The following HOXD11 variants were observed in gnomAD, a reference collection of about 807,000 sequenced individuals.
HOXD11 encodes the protein homeobox protein Hox-D11.
HOXD11 carries 16 observed loss-of-function variants against 23.1 expected under a neutral mutation model. That is an observed-to-expected ratio of 0.69 (90% CI 0.47 to 1.05). HOXD11 has a LOEUF of 1.05. Ranked by LOEUF, HOXD11 falls within the 50% of genes least tolerant of loss-of-function variation. The pLI is 0.00. For synonymous variants in HOXD11, 262 were observed against 224.4 expected, an observed-to-expected ratio of 1.17 and a Z score of -1.50; for missense variants, 564 against 495.6, an observed-to-expected ratio of 1.14 and a Z score of -1.31.
downstream of HOXD11, among the ~76,000 whole-genome samples, chr2:176,113,700 GTC>G (rs1487250923): frequency 9.9e-5 from 15 of 152,142 alleles, no homozygotes; most frequent in Admixed American, 2.6e-4. Context: ...AATATTGACA[GTC>G]TCTTGTCTCA....
At chr2:176,111,169 C>A (rs1353213770), downstream of HOXD11, among the ~76,000 whole-genome samples, 1 of 152,160 alleles carries the variant, frequency 6.6e-6, no homozygotes, top group Non-Finnish European at 1.5e-5. Flanking sequence ...ACAAAGCCTA[C>A]AATCGAAAAA....
downstream of HOXD11, among the ~76,000 whole-genome samples, chr2:176,111,151 C>T (rs72923440): frequency 0.055 from 8,345 of 152,192 alleles, 263 homozygotes; most frequent in Middle Eastern, 0.085. Context: ...GTGAAAGATG[C>T]AATGGAAACA....
At chr2:176,114,876 C>T in the HOXD11 span, among the ~76,000 whole-genome samples, 1 of 152,232 alleles carries the variant, frequency 6.6e-6, no homozygotes, top group South Asian at 2.1e-4. Context: ...GATGCCCTCC[C>T]GGACTGAGAA....
the HOXD11 span, among the ~76,000 whole-genome samples, chr2:176,115,503 T>C: frequency 6.6e-6 from 1 of 152,236 alleles, no homozygotes; most frequent in African/African-American, 2.4e-5. Context: ...TTACAAAGTC[T>C]CGATTGATTT....
Position 176,107,562 on chromosome 2 carries a change from G to A in HOXD11, c.207G>A (p.Glu69=). ...TGGCCTTCCGCGACTACGGCCTGGA[G>A]CGCGCCAAGTGGCCGTACCGCGGCG... is the stretch of plus-strand genomic sequence containing the variant. ...REVAFRDYGL[E]RAKWPYRGGG... The change falls in exon 1 of 2, where the codon GAG becomes GAA. Residue 69 remains glutamate (E), a synonymous_variant. Coordinates refer to ENST00000249504, the MANE Select transcript of HOXD11 (RefSeq NM_021192.3). 1.9e-6 allele frequency: 3 copies of A among 1,590,336 alleles called. No homozygotes were observed. Among genetic ancestry groups the A allele is most frequent in the Non-Finnish European group, 1.7e-6 (2 of 1,168,984 alleles).
At position 176,107,930 on chromosome 2, in the gene HOXD11, G is replaced by T. The variant is rs909276029; in HGVS notation, c.575G>T (p.Gly192Val). The T allele has an allele frequency of 7.0e-7, 1 of 1,421,028 alleles. No individual in the cohort carries two copies. Among genetic ancestry groups the T allele is most frequent in the African/African-American group, 1.5e-5 (1 of 66,600 alleles). The allele number at this position is 1,421,028 out of a possible 1,614,324, so 88.0% of individuals were successfully genotyped here. A position where few individuals can be genotyped will look rare whatever the true frequency, so the allele number is the denominator to read the frequency against. The change falls in exon 1 of 2, where the codon GGG (glycine) becomes GTG (valine). Residue 192 changes from glycine (G) to valine (V), a missense_variant. Transcript: ENST00000249504. The part of the protein sequence containing the change: ...YEAAPGPPFA[G>V]PQPPPPPAPP... Reference sequence around the variant, plus strand: ...GCAGCGCCCGGGCCCCCGTTCGCCGGGCCGCAGCCCCCGCCGCCACCCGCG... The same window carrying T: ...GCAGCGCCCGGGCCCCCGTTCGCCGTGCCGCAGCCCCCGCCGCCACCCGCG...
downstream of HOXD11, among the ~76,000 whole-genome samples, chr2:176,112,100 G>A (rs1022619794): frequency 3.3e-5 from 5 of 152,180 alleles, no homozygotes; most frequent in Non-Finnish European, 5.9e-5. Flanking sequence ...GGACACGGGA[G>A]GCAGCAGGCA....
In HOXD11 at chr2:176,107,578, T is replaced by C. The variant is rs770349959; in HGVS notation, c.223T>C (p.Tyr75His). 7.6e-6 allele frequency: 11 copies of C among 1,452,058 alleles called. No homozygotes were observed. The African/African-American group carries it at 1.5e-4, about 19-fold the overall frequency. The allele number at this position is 1,452,058 out of a possible 1,614,324, so 89.9% of individuals were successfully genotyped here. Reference protein sequence around the residue: ...DYGLERAKWPYRGGGGGGSAG... With the variant: ...DYGLERAKWPHRGGGGGGSAG... ...CGGCCTGGAGCGCGCCAAGTGGCCG[T>C]ACCGCGGCGGCGGCGGCGGCGGCAG... The change falls in exon 1 of 2, where the codon TAC becomes CAC. Residue 75 changes from tyrosine (Y) to histidine (H), a missense_variant. Tyr to His is a moderately conservative substitution (Grantham distance 83). Coordinates refer to ENST00000249504, the MANE Select transcript of HOXD11 (RefSeq NM_021192.3).
chr2:176,111,826 C>CAAAAGAAAAAAAAAAAAA (rs1689676556), downstream of HOXD11, among the ~76,000 whole-genome samples: 1 of 22,740 alleles, frequency 4.4e-5, no homozygotes, highest in African/African-American at 1.9e-4. Flanking sequence ...CTCCCCCCCG[C>CAAAAGAAAAAAAAAAAAA]AAAAAAAAAA....
downstream of HOXD11, among the ~76,000 whole-genome samples, chr2:176,114,480 G>A (rs1689720342): frequency 1.3e-5 from 2 of 152,092 alleles, no homozygotes; most frequent in African/African-American, 4.8e-5. Flanking sequence ...CAATGATGTT[G>A]TATTTGAACA....
downstream of HOXD11, among the ~76,000 whole-genome samples, chr2:176,111,843 A>AAAAAAAAAAAAAAAAC (rs1559115548): frequency 7.4e-5 from 11 of 148,096 alleles, no homozygotes; most frequent in African/African-American, 2.8e-4. Context: ...AAAAAAAAAA[A>AAAAAAAAAAAAAAAAC]AAAAAACCTT....
chr2:176,113,620 CT>C (rs1689706153), downstream of HOXD11, among the ~76,000 whole-genome samples: 1 of 152,168 alleles, frequency 6.6e-6, no homozygotes, highest in African/African-American at 2.4e-5. Flanking sequence ...ACTTTCCATC[CT>C]TTGGGGCTCG....
At chr2:176,114,532 G>T (rs376136042), downstream of HOXD11, among the ~76,000 whole-genome samples, 2 of 152,022 alleles carry the variant, frequency 1.3e-5, no homozygotes, top group East Asian at 3.9e-4. Context: ...TGCCACCGCG[G>T]AGTTTTTTAA....
chr2:176,112,857 G>A (rs1223312239), downstream of HOXD11, among the ~76,000 whole-genome samples: 1 of 152,222 alleles, frequency 6.6e-6, no homozygotes, highest in East Asian at 1.9e-4. Flanking sequence ...GGCCTGACAA[G>A]GGCCCGGGAT....
At chr2:176,110,423 T>G (rs539697765), downstream of HOXD11, among the ~76,000 whole-genome samples, 1 of 152,328 alleles carries the variant, frequency 6.6e-6, no homozygotes, top group East Asian at 1.9e-4. Context: ...AGAAAAGCTC[T>G]CTCTCTGAAA....
chr2:176,110,746 T>C (rs1238602771), downstream of HOXD11, among the ~76,000 whole-genome samples: 1 of 152,250 alleles, frequency 6.6e-6, no homozygotes, highest in East Asian at 1.9e-4. Flanking sequence ...CACACATTTA[T>C]GACCACACAA....
chr2:176,109,632 G>T lies in HOXD11; in HGVS notation c.*490G>T. 4.6e-6 allele frequency: 1 copy of T among 219,340 alleles called. No homozygotes were observed. Among genetic ancestry groups the T allele is most frequent in the East Asian group, 6.9e-5 (1 of 14,572 alleles). The allele number at this position is 219,340 out of a possible 1,614,324, so 13.6% of individuals were successfully genotyped here. On this transcript the variant is annotated 3_prime_UTR_variant, in exon 2 of 2. Transcript: ENST00000249504. ...TTTTTGTGTGAATAAATGGTTTCTA[G>T]TAAAATGGAGGTTACAGCTTCAATA...
Position 176,109,132 on chromosome 2 carries a change from C to T in HOXD11, c.1007C>T (p.Pro336Leu). 6.2e-7 allele frequency: 1 copy of T among 1,610,148 alleles called. No individual in the cohort carries two copies. Among genetic ancestry groups the T allele is most frequent in the Non-Finnish European group, 8.5e-7 (1 of 1,176,530 alleles). ...CGTCTGCAGTATTTCACTGGAAACC[C>T]CTTATTTTGAGAGCTCCAGGAAGCG... Reference protein sequence around the residue: ...RDRLQYFTGNPLF With the variant: ...RDRLQYFTGNLLF Residue 336 changes from proline to leucine, a missense_variant, in exon 2 of 2, where the codon CCC (proline) becomes CTC (leucine). Coordinates refer to ENST00000249504, the MANE Select transcript of HOXD11 (RefSeq NM_021192.3).
chr2:176,110,266 G>C (rs1276895712), downstream of HOXD11, among the ~76,000 whole-genome samples: 1 of 152,196 alleles, frequency 6.6e-6, no homozygotes, highest in Non-Finnish European at 1.5e-5. Flanking sequence ...TTATGTTGCA[G>C]GGCCAGGCCA....
Sources: allele counts gnomAD v4.1 joint callset (sites outside exome capture counted in the v4.1 genomes callset), GRCh38; gene constraint gnomAD v4.1.1; transcripts MANE v1.5; gene names NCBI Gene and HGNC (gene_info 2026-07-23, HGNC 2026-07-21).